ACSM3: variants seen among roughly 807,000 people sequenced by gnomAD.
ACSM3 encodes acyl-CoA synthetase medium chain family member 3.
Under a neutral mutation model 74.1 loss-of-function variants are expected in ACSM3, and 61 were observed. That is an observed-to-expected ratio of 0.82 (90% confidence interval 0.67 to 1.02). The LOEUF (loss-of-function observed/expected upper bound fraction) is 1.02, where lower values mean the gene tolerates loss of function less well. ACSM3 is among the 50% of genes least tolerant of loss of function. The probability of loss-of-function intolerance (pLI) is 0.00; values close to 1 mark genes in which losing one functional copy is unlikely to be tolerated. For synonymous variants in ACSM3, 213 were observed against 241.5 expected (o/e 0.88, Z 1.09); for missense variants, 660 against 697.0 (o/e 0.95, Z 0.60).
chr16:20,701,539 T>C (rs1000505466), intron 1 of ACSM3, among the ~76,000 whole-genome samples: 1 of 152,158 alleles, frequency 6.6e-6, no homozygotes, highest in African/African-American at 2.4e-5. Flanking sequence ...TTAAAAAAAT[T>C]TTTACTTTAA....
intron 1 of ACSM3, among the ~76,000 whole-genome samples, chr16:20,695,969 TAC>T (rs1486116612): frequency 6.6e-6 from 1 of 152,230 alleles, no homozygotes; most frequent in Non-Finnish European, 1.5e-5. Context: ...GGATCACATA[TAC>T]AGAGTGGCCC....
chr16:20,789,678 ATTTTTC>A, intron 9 of ACSM3: 1 of 492,562 alleles, frequency 2.0e-6, no homozygotes, highest in East Asian at 3.5e-5. Context: ...AAGCAACTCT[ATTTTTC>A]TTTTTTTTTT....
chr16:20,698,794 C>A (rs1252984640), intron 1 of ACSM3: 1 of 152,184 alleles, frequency 6.6e-6, no homozygotes, highest in Non-Finnish European at 1.5e-5. Flanking sequence ...CAGGCATGAG[C>A]CACAGCACCC....
At chr16:20,702,433 C>T (rs2079715179) in intron 1 of ACSM3, among the ~76,000 whole-genome samples, 1 of 152,202 alleles carries the variant, frequency 6.6e-6, no homozygotes, top group Non-Finnish European at 1.5e-5. Flanking sequence ...AGGCTGGTCT[C>T]AAACTCCTGA....
intron 3 of ACSM3, among the ~76,000 whole-genome samples, chr16:20,757,261 C>T (rs1025946137): frequency 9.5e-4 from 144 of 152,064 alleles, no homozygotes; most frequent in African/African-American, 3.3e-3. Flanking sequence ...TTCTTCCTAC[C>T]CATGAGCATG....
chr16:20,685,960 G>A (rs1272941308), intron 1 of ACSM3, among the ~76,000 whole-genome samples: 1 of 151,646 alleles, frequency 6.6e-6, no homozygotes, highest in Non-Finnish European at 1.5e-5. Context: ...GCTTCCTATT[G>A]AAGATTTAAA....
chr16:20,714,915 T>A (rs2079755798), intron 1 of ACSM3, among the ~76,000 whole-genome samples: 1 of 152,226 alleles, frequency 6.6e-6, no homozygotes, highest in East Asian at 1.9e-4. Flanking sequence ...GGAAGACAAG[T>A]TGGATAATGG....
intron 1 of ACSM3, chr16:20,731,754 C>T: frequency 3.0e-6 from 1 of 332,610 alleles, no homozygotes; most frequent in Non-Finnish European, 5.4e-6. Context: ...GTATTTTGTC[C>T]AAAAGTTAAG....
intron 4 of ACSM3, chr16:20,779,771 CTT>C (rs58558409): frequency 0.13 from 19,047 of 141,422 alleles, 1,072 homozygotes; most frequent in East Asian, 0.21. Flanking sequence ...GGTCAGCAAA[CTT>C]TTTTTTTTTT....
chr16:20,691,422 C>T (rs545426036), intron 1 of ACSM3, among the ~76,000 whole-genome samples: 4 of 152,186 alleles, frequency 2.6e-5, no homozygotes, highest in Middle Eastern at 6.8e-3. Context: ...TGGCAGAAAA[C>T]GCTGGGGAGG....
intron 1 of ACSM3, among the ~76,000 whole-genome samples, chr16:20,707,563 G>A (rs1184852469): frequency 6.6e-6 from 1 of 152,144 alleles, no homozygotes; most frequent in Non-Finnish European, 1.5e-5. Context: ...ACCACCCTGG[G>A]CCCAGACAGG....
chr16:20,781,233 T>TGATTTAA, intron 6 of ACSM3, 103 bp downstream of exon 6: 1 of 1,371,530 alleles, frequency 7.3e-7, no homozygotes, highest in Non-Finnish European at 9.9e-7. Flanking sequence ...GTAGACAATA[T>TGATTTAA]GATTTAAGAT....
chr16:20,730,751 T>C (rs1211979260), intron 1 of ACSM3, among the ~76,000 whole-genome samples: 1 of 152,210 alleles, frequency 6.6e-6, no homozygotes, highest in African/African-American at 2.4e-5. Context: ...ACCTCAGTAA[T>C]TATCTAATTG....
chr16:20,751,791 A>C (rs1339607023), intron 2 of ACSM3, among the ~76,000 whole-genome samples: 1 of 152,210 alleles, frequency 6.6e-6, no homozygotes, highest in African/African-American at 2.4e-5. Context: ...ATGAGAAGGC[A>C]AAAATCACAT....
chr16:20,704,687 A>G (rs1185223963), intron 1 of ACSM3, among the ~76,000 whole-genome samples: 1 of 152,228 alleles, frequency 6.6e-6, no homozygotes, highest in Non-Finnish European at 1.5e-5. Flanking sequence ...AAGACATATT[A>G]AGAGTTCCCA....
At chr16:20,701,216 G>A (rs11643502) in intron 1 of ACSM3, among the ~76,000 whole-genome samples, 19,846 of 152,116 alleles carry the variant, frequency 0.13, 1,381 homozygotes, top group East Asian at 0.21. Context: ...TTTTATTTAA[G>A]CTAGTTTTTC....
intron 1 of ACSM3, among the ~76,000 whole-genome samples, chr16:20,746,286 T>G (rs1275972907): frequency 6.6e-6 from 1 of 152,170 alleles, no homozygotes; most frequent in East Asian, 1.9e-4. Flanking sequence ...GGAAGCCTGT[T>G]TTTTTCTTTT....
chr16:20,785,625 C>A (rs2080454749), intron 8 of ACSM3, among the ~76,000 whole-genome samples: 1 of 151,848 alleles, frequency 6.6e-6, no homozygotes, highest in Non-Finnish European at 1.5e-5. Context: ...GAAAAAAGAA[C>A]AACAGTGGTT....
At chr16:20,741,481 G>GGGGGGGGGGGGGGGGCC in intron 1 of ACSM3, 11 of 1,308,408 alleles carry the variant, frequency 8.4e-6, no homozygotes, top group Non-Finnish European at 1.1e-5. Context: ...CTGGCAGCCG[G>GGGGGGGGGGGGGGGGCC]CCCGCCCGCC....
Sources: allele counts gnomAD v4.1 joint callset (sites outside exome capture counted in the v4.1 genomes callset), GRCh38; gene constraint gnomAD v4.1.1; transcripts MANE v1.5; gene names NCBI Gene and HGNC (gene_info 2026-07-23, HGNC 2026-07-21).